ABCC9: variants seen among roughly 807,000 people sequenced by gnomAD.
The protein encoded by ABCC9 is ATP binding cassette subfamily C member 9, also known as ATP-binding cassette sub-family C member 9.
In ABCC9, 95 loss-of-function variants were observed where a neutral mutation model predicts 188.3. That is an observed-to-expected ratio of 0.50 (90% CI 0.43 to 0.60). ABCC9 has a LOEUF of 0.60. Among genes scored for constraint, ABCC9 ranks in the 20% least tolerant of loss-of-function variants. The pLI is 0.00. For missense variants in ABCC9, 1,102 were observed against 1,876.3 expected (o/e 0.59, Z 7.62); for synonymous variants, 659 against 652.7 (o/e 1.01, Z -0.15).
At chr12:21,868,893 C>T (rs1945921102) in intron 18 of ABCC9, among the ~76,000 whole-genome samples, 2 of 152,052 alleles carry the variant, frequency 1.3e-5, no homozygotes, top group African/African-American at 4.8e-5. Context: ...ACTGGGCATA[C>T]AGCTTTTGTT....
chr12:21,840,604 G>A (rs1944331189), intron 29 of ABCC9, among the ~76,000 whole-genome samples: 1 of 152,180 alleles, frequency 6.6e-6, no homozygotes, highest in South Asian at 2.1e-4. Flanking sequence ...AGAAGGCAAG[G>A]ACAGATTTGG....
chr12:21,891,074 G>C (rs1947138513), intron 14 of ABCC9, among the ~76,000 whole-genome samples: 1 of 151,998 alleles, frequency 6.6e-6, no homozygotes, highest in Non-Finnish European at 1.5e-5. Flanking sequence ...TCTTTGTATA[G>C]CTTTATAACA....
At chr12:21,844,574 G>A (rs1260149839) in intron 27 of ABCC9, 22 bp from the exon 28 acceptor site, 1 of 1,607,412 alleles carries the variant, frequency 6.2e-7, no homozygotes, top group Admixed American at 1.7e-5. Context: ...ACAGATGGAA[G>A]TATATGATAA....
At chr12:21,810,312 T>G (rs111235075) in intron 36 of ABCC9, among the ~76,000 whole-genome samples, 41 of 152,286 alleles carry the variant, frequency 2.7e-4, no homozygotes, top group African/African-American at 9.1e-4. Context: ...TACATACATC[T>G]CTATGGGAGC....
chr12:21,883,727 T>TTC lies in ABCC9; in HGVS notation c.1912-855_1912-854insGA, dbSNP rs962247685. ...TTGACAAAAGCATAAAGATCTAGATTTTTTTTTGTCCAAAGATATTACAGT... is the reference window on the plus strand; with the variant it reads ...TTGACAAAAGCATAAAGATCTAGATTTCTTTTTTTGTCCAAAGATATTACAGT... On this transcript the variant is annotated intron_variant, in intron 15 of 39. Transcript: ENST00000261200. Among the ~76,000 whole-genome samples, 6 of 151,400 alleles carry TTC rather than the reference T, an allele frequency of 4.0e-5. No individual in the cohort carries two copies. In the South Asian group the frequency reaches 6.3e-4, roughly 16 times the overall value.
chr12:21,916,785 T>C, intron 6 of ABCC9, 152 bp downstream of exon 6: 1 of 598,822 alleles, frequency 1.7e-6, no homozygotes, highest in Non-Finnish European at 2.6e-6. Context: ...ATTAATGGCC[T>C]GAATTTAGTG....
chr12:21,839,875 G>A (rs1944291716), intron 29 of ABCC9, among the ~76,000 whole-genome samples: 1 of 152,154 alleles, frequency 6.6e-6, no homozygotes, highest in South Asian at 2.1e-4. Context: ...TTTCACATGG[G>A]GATTCGGGGA....
intron 3 of ABCC9, 142 bp downstream of exon 3, chr12:21,936,391 A>T: frequency 1.3e-6 from 1 of 780,328 alleles, no homozygotes; most frequent in Non-Finnish European, 2.0e-6. Flanking sequence ...TATGTTTGAA[A>T]AACACAAAAT....
chr12:21,940,087 G>T (rs1434580791), intron 2 of ABCC9, among the ~76,000 whole-genome samples: 1 of 152,126 alleles, frequency 6.6e-6, no homozygotes, highest in African/African-American at 2.4e-5. Flanking sequence ...ATTTATTGTG[G>T]CCAGCCCTGT....
intron 4 of ABCC9, 121 bp from the exon 5 acceptor site, chr12:21,926,184 T>C (rs1372219884): frequency 1.5e-6 from 2 of 1,351,076 alleles, no homozygotes; most frequent in Non-Finnish European, 2.1e-6. Flanking sequence ...CAGAATGCAA[T>C]AGTAGTTTCC....
chr12:21,901,723 GT>G (rs1947761632), intron 12 of ABCC9, among the ~76,000 whole-genome samples: 1 of 152,156 alleles, frequency 6.6e-6, no homozygotes, highest in African/African-American at 2.4e-5. Flanking sequence ...TTATACAATG[GT>G]AAAGGGATCA....
At chr12:21,867,345 T>A (rs704199) in intron 18 of ABCC9, among the ~76,000 whole-genome samples, 151,893 of 152,264 alleles carry the variant, frequency 1, 75,762 homozygotes, top group Middle Eastern at 1. Context: ...TGTGGTACTC[T>A]ACAGCACTCA....
In ABCC9 at chr12:21,844,534, G is replaced by T. The variant is rs745801825; in HGVS notation, c.3264C>A (p.Pro1088=). ...LGPIRFFDTT[P]LGLILNRFSA... is the part of the protein sequence containing the mutation. ...AAAAGCGATTGAGAATCAGTCCCAGGGGTGTGGTATCAAAAAACCTAGGCA... is the reference window on the plus strand; with the variant it reads ...AAAAGCGATTGAGAATCAGTCCCAGTGGTGTGGTATCAAAAAACCTAGGCA... The change falls in exon 28 of 40, where the codon CCC becomes CCA. Residue 1088 remains proline, a synonymous_variant. Transcript: ENST00000261200. The T allele has an allele frequency of 8.7e-6, 14 of 1,613,680 alleles. No individual in the cohort carries two copies. The highest frequency in any genetic ancestry group is 1.2e-5 in the Non-Finnish European group (14 of 1,179,704).
In ABCC9 at chr12:21,836,596, T is replaced by A. The variant is rs149972813; in HGVS notation, c.3566+1482A>T. On this transcript the variant is annotated intron_variant, in intron 30 of 39. Transcript: ENST00000261200. ...TGCTCTCTGACACAGTTGTTTCTTG[T>A]GATATTAGACTATGTATCATGCTGT... 2.6e-3 allele frequency among the ~76,000 whole-genome samples: 400 copies of A among 152,296 alleles called. 2 individuals are homozygous for A. The highest frequency in any genetic ancestry group is 9.0e-3 in the African/African-American group (375 of 41,562).
At chr12:21,818,494 A>C (rs1389756762) in intron 31 of ABCC9, among the ~76,000 whole-genome samples, 3 of 145,936 alleles carry the variant, frequency 2.1e-5, no homozygotes, top group Admixed American at 7.0e-5. Flanking sequence ...ATCTATATAT[A>C]TATCTATATA....
At chr12:21,846,560 A>AG (rs1944682201) in intron 25 of ABCC9, among the ~76,000 whole-genome samples, 1 of 152,154 alleles carries the variant, frequency 6.6e-6, no homozygotes, top group South Asian at 2.1e-4. Context: ...GTGGGGAGGA[A>AG]GGACTTGTCT....
In ABCC9 at chr12:21,877,645, A is replaced by G. The variant is rs377575183; in HGVS notation, c.2020-1919T>C. ...AGCATGAAACTAAGAGAGACCCTAC[A>G]TGACACCGTTGATGTTCTCAGCAAA... is the stretch of plus-strand genomic sequence containing the variant. On this transcript the variant is annotated intron_variant, in intron 16 of 39. Transcript: ENST00000261200. Among the ~76,000 whole-genome samples the G allele has an allele frequency of 3.9e-5, 6 of 152,306 alleles. No homozygotes were observed. In the East Asian group the frequency reaches 1.2e-3, roughly 29 times the overall value.
intron 16 of ABCC9, 113 bp from the exon 17 acceptor site, chr12:21,875,839 C>T (rs1946314325): frequency 1.3e-6 from 1 of 764,324 alleles, no homozygotes; most frequent in Non-Finnish European, 2.2e-6. Context: ...AATCACAGCA[C>T]TTTGGGAGAC....
At chr12:21,851,974 A>G (rs1210834431) in intron 24 of ABCC9, 123 bp downstream of exon 24, 2 of 1,164,046 alleles carry the variant, frequency 1.7e-6, no homozygotes, top group Non-Finnish European at 2.4e-6. Context: ...TTTGGATTTC[A>G]GATAAAGACC....
Sources: allele counts gnomAD v4.1 joint callset (sites outside exome capture counted in the v4.1 genomes callset), GRCh38; gene constraint gnomAD v4.1.1; transcripts MANE v1.5; gene names NCBI Gene and HGNC (gene_info 2026-07-23, HGNC 2026-07-21).